Variants in HEPHL1 observed in about 807,000 individuals in gnomAD.
HEPHL1 encodes the protein hephaestin like 1, also known as ferroxidase HEPHL1.
In HEPHL1, 123 loss-of-function variants were observed where a neutral mutation model predicts 122.0. The observed-to-expected ratio is 1.01, with a 90% CI of 0.87 to 1.17. The LOEUF is 1.17. Ranked by LOEUF, HEPHL1 falls within the 50% of genes most tolerant of loss-of-function variation. The probability of loss-of-function intolerance (pLI) is 0.00; values close to 1 mark genes in which losing one functional copy is unlikely to be tolerated. For synonymous variants in HEPHL1, 527 were observed against 508.9 expected (o/e 1.04, Z -0.48); for missense variants, 1,452 against 1,430.5 (o/e 1.01, Z -0.24).
chr11:94,062,689 C>T (rs1286156017), intron 2 of HEPHL1, among the ~76,000 whole-genome samples: 1 of 151,936 alleles, frequency 6.6e-6, no homozygotes, highest in Admixed American at 6.6e-5. Context: ...TCCTTTAAGG[C>T]CCCTTAAATC....
Position 94,075,270 on chromosome 11 carries a change from C to T in HEPHL1, c.1601C>T (p.Pro534Leu). 6.2e-7 allele frequency: 1 copy of T among 1,613,530 alleles called. No individual in the cohort carries two copies. Among genetic ancestry groups the T allele is most frequent in the South Asian group, 1.1e-5 (1 of 91,072 alleles). Residue 534 changes from proline (P) to leucine (L), a missense_variant, in exon 9 of 20, where the codon CCC becomes CTC. Transcript: ENST00000315765. ...ESVSPTAGDP[P>L]CLTYLYFSAV... ...GTAAGCCCAACTGCTGGTGATCCTCCCTGTCTGACCTATCTTTACTTCTCA... is the reference window on the plus strand; with the variant it reads ...GTAAGCCCAACTGCTGGTGATCCTCTCTGTCTGACCTATCTTTACTTCTCA...
At chr11:94,058,037 A>G (rs1467019938) in intron 2 of HEPHL1, among the ~76,000 whole-genome samples, 1 of 151,550 alleles carries the variant, frequency 6.6e-6, no homozygotes, top group Non-Finnish European at 1.5e-5. Context: ...ATTTATTTTT[A>G]TTTTTAAGCC....
Position 94,086,101 on chromosome 11 carries a change from C to T in HEPHL1, c.1992C>T (p.Asn664=). The T allele has an allele frequency of 6.2e-7, 1 of 1,613,792 alleles. No individual in the cohort carries two copies. Among genetic ancestry groups the T allele is most frequent in the Non-Finnish European group, 8.5e-7 (1 of 1,179,838 alleles). Reference sequence around the variant, plus strand: ...TGCATGGAATTGTTTTTCAAGGGAACACCATCCACCTACGAGGGACTCACC... The same window carrying T: ...TGCATGGAATTGTTTTTCAAGGGAATACCATCCACCTACGAGGGACTCACC... The part of the protein sequence containing the change: ...TDMHGIVFQG[N]TIHLRGTHRD... Residue 664 remains asparagine, a synonymous_variant, in exon 11 of 20, where the codon AAC becomes AAT. Transcript: ENST00000315765.
Position 94,026,422 on chromosome 11 carries a change from T to C in HEPHL1, c.170+4884T>C, listed in dbSNP as rs116620408. 1.2e-3 allele frequency among the ~76,000 whole-genome samples: 189 copies of C among 152,214 alleles called. 1 individual carries two copies. Among genetic ancestry groups the C allele is most frequent in the African/African-American group, 4.3e-3 (180 of 41,540 alleles). On this transcript the variant is annotated intron_variant, in intron 1 of 19. Transcript: ENST00000315765. Reference sequence around the variant, plus strand: ...CTGACACTAAGAAAGAAGGGGAGCATGAATATTGCAAGGCAGCTGGCAGTC... The same window carrying C: ...CTGACACTAAGAAAGAAGGGGAGCACGAATATTGCAAGGCAGCTGGCAGTC...
At chr11:94,051,479 T>C (rs952752810) in intron 2 of HEPHL1, among the ~76,000 whole-genome samples, 9 of 152,184 alleles carry the variant, frequency 5.9e-5, no homozygotes, top group African/African-American at 1.9e-4. Context: ...TCAGGTCTTT[T>C]GCCCATTTTT....
At chr11:94,093,981 T>G (rs796766919) in intron 13 of HEPHL1, among the ~76,000 whole-genome samples, 1,936 of 74,508 alleles carry the variant, frequency 0.026, 97 homozygotes, top group African/African-American at 0.049. Context: ...GATATATATA[T>G]ATATATATAT....
intron 2 of HEPHL1, 33 bp downstream of exon 2, chr11:94,045,950 T>C (rs1376702012): frequency 1.3e-6 from 2 of 1,598,548 alleles, no homozygotes; most frequent in African/African-American, 2.7e-5. Flanking sequence ...TGGGGTCTTG[T>C]CTCTATTTCA....
At chr11:94,034,766 TG>T (rs1260175039) in intron 1 of HEPHL1, among the ~76,000 whole-genome samples, 1 of 152,192 alleles carries the variant, frequency 6.6e-6, no homozygotes, top group African/African-American at 2.4e-5. Context: ...GAGGGCCAGC[TG>T]AATCCGATAC....
intron 1 of HEPHL1, among the ~76,000 whole-genome samples, chr11:94,023,762 G>A (rs143538439): frequency 6.6e-6 from 1 of 152,152 alleles, no homozygotes; most frequent in Non-Finnish European, 1.5e-5. Context: ...CAGACAGACT[G>A]CTACCTCTTG....
chr11:94,021,829 G>A (rs1275404285), intron 1 of HEPHL1, among the ~76,000 whole-genome samples: 4 of 152,138 alleles, frequency 2.6e-5, no homozygotes, highest in Non-Finnish European at 5.9e-5. Flanking sequence ...GTAACTTCTG[G>A]GGGATTCTGT....
intron 9 of HEPHL1, among the ~76,000 whole-genome samples, chr11:94,078,162 G>A (rs1350752250): frequency 2.0e-5 from 3 of 152,146 alleles, no homozygotes; most frequent in East Asian, 1.9e-4. Flanking sequence ...TACAGGGTAA[G>A]TACTCTTATC....
intron 4 of HEPHL1, 116 bp from the exon 5 acceptor site, chr11:94,067,380 T>C: frequency 1.0e-6 from 1 of 955,880 alleles, no homozygotes; most frequent in East Asian, 2.4e-5. Context: ...ACCAAAACCT[T>C]ACAACCAATG....
chr11:94,101,512 G>A (rs150969263), intron 14 of HEPHL1, among the ~76,000 whole-genome samples, 177 bp downstream of exon 14: 20 of 152,124 alleles, frequency 1.3e-4, no homozygotes, highest in South Asian at 4.2e-4. Context: ...GAATTTCTAG[G>A]GTTCCATTAG....
At chr11:94,082,185 A>G (rs1263670277) in intron 9 of HEPHL1, among the ~76,000 whole-genome samples, 1 of 152,234 alleles carries the variant, frequency 6.6e-6, no homozygotes, top group Non-Finnish European at 1.5e-5. Context: ...CCTTCTAAGC[A>G]GGGGCTGATT....
intron 2 of HEPHL1, among the ~76,000 whole-genome samples, chr11:94,063,064 C>G (rs966344126): frequency 6.6e-6 from 1 of 150,890 alleles, no homozygotes; most frequent in Non-Finnish European, 1.5e-5. Context: ...CACTTCCTTC[C>G]TATCTCTCAT....
intron 2 of HEPHL1, among the ~76,000 whole-genome samples, chr11:94,057,866 G>A (rs1385700141): frequency 2.6e-5 from 4 of 151,828 alleles, no homozygotes; most frequent in Admixed American, 2.6e-4. Flanking sequence ...CTTGAAAACT[G>A]GATATTTTTA....
Position 94,060,178 on chromosome 11 carries a change from C to A in HEPHL1, c.416-3330C>A, listed in dbSNP as rs759170794. Among the ~76,000 whole-genome samples, 85 of 133,914 alleles carry A rather than the reference C, an allele frequency of 6.3e-4. 1 individual carries two copies. Among genetic ancestry groups the A allele is most frequent in the Non-Finnish European group, 1.1e-3 (70 of 63,218 alleles). 87.9% of individuals were successfully genotyped at this position (133,914 alleles called of 152,430 possible). Reference sequence around the variant, plus strand: ...CGCACTGGGGTAGATCTTGAAGATACGATCATGAGCAAAAAGAAGCCTGGT... The same window carrying A: ...CGCACTGGGGTAGATCTTGAAGATAAGATCATGAGCAAAAAGAAGCCTGGT... On this transcript the variant is annotated intron_variant, in intron 2 of 19. Coordinates refer to ENST00000315765, the MANE Select transcript of HEPHL1 (RefSeq NM_001098672.2).
chr11:94,099,032 C>T (rs1312931595), intron 13 of HEPHL1, among the ~76,000 whole-genome samples: 2 of 152,272 alleles, frequency 1.3e-5, no homozygotes, highest in Non-Finnish European at 2.9e-5. Context: ...CATTCTCCAT[C>T]CAGCTTTGTT....
chr11:94,081,260 C>G (rs559781739), intron 9 of HEPHL1, among the ~76,000 whole-genome samples: 2 of 152,214 alleles, frequency 1.3e-5, no homozygotes, highest in Admixed American at 1.3e-4. Flanking sequence ...CACATGGACA[C>G]AGGGAGGGGA....
Sources: allele counts gnomAD v4.1 joint callset (sites outside exome capture counted in the v4.1 genomes callset), GRCh38; gene constraint gnomAD v4.1.1; transcripts MANE v1.5; gene names NCBI Gene and HGNC (gene_info 2026-07-23, HGNC 2026-07-21).